SLC23A2: variants seen among roughly 807,000 people sequenced by gnomAD.
SLC23A2 encodes the protein Na(+)/L-ascorbic acid transporter 2.
In SLC23A2, 36 loss-of-function variants were observed where a neutral mutation model predicts 73.3. The observed-to-expected ratio is 0.49, with a 90% CI of 0.38 to 0.65. The LOEUF is 0.65. Ranked by LOEUF, SLC23A2 falls within the 30% of genes least tolerant of loss-of-function variation. The pLI is 0.00. For missense variants in SLC23A2, 507 were observed against 841.6 expected, an observed-to-expected ratio of 0.60 and a Z score of 4.92; for synonymous variants, 343 against 327.3, an observed-to-expected ratio of 1.05 and a Z score of -0.52.
intron 13 of SLC23A2, among the ~76,000 whole-genome samples, chr20:4,864,466 G>C (rs1182517395): frequency 6.6e-6 from 1 of 152,178 alleles, no homozygotes; most frequent in Non-Finnish European, 1.5e-5. Context: ...CCACACCACA[G>C]ACGGCAGGGA....
chr20:4,860,374 C>A (rs117359049), intron 15 of SLC23A2, among the ~76,000 whole-genome samples: 1 of 152,168 alleles, frequency 6.6e-6, no homozygotes, highest in Admixed American at 6.5e-5. Context: ...GTCCTTTTTG[C>A]GGACTATGTA....
Position 4,862,668 on chromosome 20 carries a change from A to T in SLC23A2, c.1486+110T>A. 1 of 1,019,524 alleles carries T rather than the reference A, an allele frequency of 9.8e-7. No homozygotes were observed. Among genetic ancestry groups the T allele is most frequent in the Non-Finnish European group, 1.4e-6 (1 of 696,588 alleles). 63.2% of individuals were successfully genotyped at this position (1,019,524 alleles called of 1,614,324 possible). A position where few individuals can be genotyped will look rare whatever the true frequency, so the allele number is the denominator to read the frequency against. On this transcript the variant is annotated intron_variant, in intron 14 of 16. Transcript: ENST00000338244. This position sits in a 1 kb window ranked among gnomAD's most constrained non-coding sequence, Gnocchi z 5.1. ...TTTGAAGGCATATCCTTTGTATTTT[A>T]AAATAGAAATTTATCGTTACCTTCT...
At chr20:4,943,035 G>A (rs1197636099) in intron 2 of SLC23A2, among the ~76,000 whole-genome samples, 2 of 149,562 alleles carry the variant, frequency 1.3e-5, no homozygotes, top group Non-Finnish European at 2.9e-5. Flanking sequence ...GCAACATAGC[G>A]AGACTCTGAC....
intron 1 of SLC23A2, among the ~76,000 whole-genome samples, chr20:4,984,520 TCCAGC>T (rs1315494855): frequency 6.7e-6 from 1 of 150,098 alleles, no homozygotes; most frequent in Non-Finnish European, 1.5e-5. Flanking sequence ...ACCACTGCAC[TCCAGC>T]CTGGGCAACA....
intron 2 of SLC23A2, among the ~76,000 whole-genome samples, chr20:4,935,732 G>A (rs2086952931): frequency 6.6e-6 from 1 of 151,988 alleles, no homozygotes; most frequent in Non-Finnish European, 1.5e-5. Flanking sequence ...CTGGGAGGTG[G>A]AGCTTGCAGT....
chr20:5,000,221 G>A (rs1303535491), intron 1 of SLC23A2, among the ~76,000 whole-genome samples: 1 of 152,112 alleles, frequency 6.6e-6, no homozygotes, highest in Non-Finnish European at 1.5e-5. Flanking sequence ...GGGGAGGCAG[G>A]CAACGTCACC....
At chr20:4,977,457 G>A (rs1302337420) in intron 1 of SLC23A2, among the ~76,000 whole-genome samples, 1 of 152,004 alleles carries the variant, frequency 6.6e-6, no homozygotes, top group East Asian at 1.9e-4. Flanking sequence ...GGGAGGCTGA[G>A]GTGGGCAGAT....
At chr20:4,911,161 G>A (rs1932132644) in intron 4 of SLC23A2, among the ~76,000 whole-genome samples, 1 of 152,192 alleles carries the variant, frequency 6.6e-6, no homozygotes, top group Non-Finnish European at 1.5e-5. Context: ...GCCCGGCAGT[G>A]TGGGATGTGC....
chr20:4,992,789 C>G lies in SLC23A2; in HGVS notation c.-282+8617G>C, dbSNP rs562203838. Among the ~76,000 whole-genome samples, 8 of 151,650 alleles carry G rather than the reference C, an allele frequency of 5.3e-5. No homozygotes were observed. In the South Asian group the frequency reaches 1.7e-3, roughly 32 times the overall value. On this transcript the variant is annotated intron_variant, in intron 1 of 16. Transcript: ENST00000338244. ...CCTCCCAAAGTGCTGAGATTACAGG[C>G]ATGAGCCACCGCGCTTGGCCAACAG...
upstream of SLC23A2, among the ~76,000 whole-genome samples, chr20:5,004,837 T>C (rs1163213259): frequency 6.6e-6 from 1 of 151,904 alleles, no homozygotes; most frequent in Non-Finnish European, 1.5e-5. Context: ...CTGTCTCTAC[T>C]AAAAATACAA....
chr20:4,946,930 G>A (rs2087127441), intron 2 of SLC23A2, among the ~76,000 whole-genome samples: 1 of 152,188 alleles, frequency 6.6e-6, no homozygotes, highest in Non-Finnish European at 1.5e-5. Flanking sequence ...AGCGCCTACT[G>A]TACCTGGTAT....
At chr20:4,952,976 T>C (rs747295864) in intron 2 of SLC23A2, among the ~76,000 whole-genome samples, 4 of 150,104 alleles carry the variant, frequency 2.7e-5, no homozygotes, top group Non-Finnish European at 4.4e-5. Flanking sequence ...GGAGCCGAAA[T>C]TGTGCCACTG....
intron 1 of SLC23A2, among the ~76,000 whole-genome samples, chr20:4,977,830 C>T (rs2087668089): frequency 6.6e-6 from 1 of 152,098 alleles, no homozygotes; most frequent in African/African-American, 2.4e-5. Flanking sequence ...TGAGCTACCA[C>T]ACCTGGCCTA....
At chr20:5,010,055 A>G (rs2088233101) in intron 1 of SLC23A2, 1 of 150,628 alleles carries the variant, frequency 6.6e-6, no homozygotes, top group Non-Finnish European at 1.5e-5. Flanking sequence ...AGATCACGCC[A>G]CTGCACTCCA....
At chr20:4,867,397 C>T (rs1468244576) in intron 13 of SLC23A2, among the ~76,000 whole-genome samples, 23 of 152,198 alleles carry the variant, frequency 1.5e-4, no homozygotes. Context: ...GTACTTGTCA[C>T]TGGCTGACAT....
chr20:4,973,363 T>C (rs1175946171), intron 1 of SLC23A2, among the ~76,000 whole-genome samples: 1 of 152,198 alleles, frequency 6.6e-6, no homozygotes, highest in Non-Finnish European at 1.5e-5. Flanking sequence ...TAGCTACAAA[T>C]CATTGGAAAA....
intron 1 of SLC23A2, among the ~76,000 whole-genome samples, chr20:4,981,705 CCTTT>C (rs1428252825): frequency 7.0e-5 from 9 of 128,624 alleles, no homozygotes; most frequent in Admixed American, 3.3e-4. Context: ...TTCCTTCCTT[CCTTT>C]CTTTATCTTT....
At position 4,863,870 on chromosome 20, in the gene SLC23A2, G is replaced by A. The variant is rs1396777658; in HGVS notation, c.1357-963C>T. On this transcript the variant is annotated intron_variant, in intron 13 of 16. Coordinates refer to ENST00000338244, the MANE Select transcript of SLC23A2 (RefSeq NM_005116.6). This position sits in a 1 kb window ranked among gnomAD's most constrained non-coding sequence, Gnocchi z 4.8. Reference sequence around the variant, plus strand: ...CTCCAGGACTATTCCCCCATTATAGGCTCTCATAGCACCATGTAGGGCATA... The same window carrying A: ...CTCCAGGACTATTCCCCCATTATAGACTCTCATAGCACCATGTAGGGCATA... 6.6e-6 allele frequency among the ~76,000 whole-genome samples: 1 copy of A among 152,152 alleles called. No homozygotes were observed. The highest frequency in any genetic ancestry group is 1.5e-5 in the Non-Finnish European group (1 of 68,034).
chr20:4,977,203 G>T (rs2087655766), intron 1 of SLC23A2, among the ~76,000 whole-genome samples: 1 of 152,016 alleles, frequency 6.6e-6, no homozygotes, highest in Non-Finnish European at 1.5e-5. Context: ...ACAAAGTGGG[G>T]TGAAAAAAGG....
Sources: gnomAD v4.1 joint callset for allele counts (sites outside exome capture counted in the v4.1 genomes callset) on GRCh38, gnomAD v4.1.1 for gene constraint, Gnocchi (gnomAD v3.1) non-coding constraint, MANE v1.5 for transcripts, NCBI Gene and HGNC (gene_info 2026-07-23, HGNC 2026-07-21) for gene names.